Variants in SYN3 observed in about 807,000 individuals in gnomAD.
SYN3 encodes synapsin-3.
SYN3 carries 35 observed loss-of-function variants against 65.8 expected under a neutral mutation model. The ratio of observed to expected loss-of-function variants is 0.53; its 90% CI spans 0.41 to 0.70. The LOEUF (loss-of-function observed/expected upper bound fraction) is 0.70, where lower values mean the gene tolerates loss of function less well. SYN3 is among the 30% of genes least tolerant of loss of function. SYN3 has a pLI of 0.00. For missense variants in SYN3, 680 were observed against 749.0 expected (o/e 0.91, Z 1.08); for synonymous variants, 270 against 292.9 (o/e 0.92, Z 0.80).
chr22:32,864,880 T>A, intron 6 of SYN3, 35 bp downstream of exon 6: 1 of 1,567,800 alleles, frequency 6.4e-7, no homozygotes, highest in East Asian at 2.2e-5. Context: ...TCATTCCGCA[T>A]CATGCAAAGA....
At chr22:32,534,038 A>G (rs1446352073) in intron 9 of SYN3, 143 bp from the exon 10 acceptor site, 1 of 603,004 alleles carries the variant, frequency 1.7e-6, no homozygotes, top group East Asian at 2.8e-5. Context: ...GAGACAGAGA[A>G]GCAGCAAGAG....
chr22:32,658,582 G>A lies in SYN3; in HGVS notation c.712-61846C>T, dbSNP rs535461488. ...CAGGCTACAGGATGACTGTGGAGTC[G>A]CCCATCCCATCCATAAGGCATTTCA... On this transcript the variant is annotated intron_variant, in intron 6 of 13. Coordinates refer to ENST00000358763, the MANE Select transcript of SYN3 (RefSeq NM_003490.4). 1.7e-4 allele frequency among the ~76,000 whole-genome samples: 26 copies of A among 152,310 alleles called. No homozygotes were observed. The South Asian group carries it at 4.6e-3, about 27-fold the overall frequency.
At position 32,510,987 on chromosome 22, in the gene SYN3, G is replaced by GTGTGTT. The variant is rs2146032198; in HGVS notation, c.*2704_*2705insAACACA. On this transcript the variant is annotated 3_prime_UTR_variant, in exon 14 of 14. Transcript: ENST00000358763. Reference sequence around the variant, plus strand: ...CAATTCCAAGTTATTGTCCAGGCGTGTGTGTGTGTGTGTGTGTGTGTGTGT... The same window carrying GTGTGTT: ...CAATTCCAAGTTATTGTCCAGGCGTGTGTGTTTGTGTGTGTGTGTGTGTGTGTGTGT... Among the ~76,000 whole-genome samples, 1 of 130,048 alleles carries GTGTGTT rather than the reference G, an allele frequency of 7.7e-6. No individual in the cohort carries two copies. Among genetic ancestry groups the GTGTGTT allele is most frequent in the African/African-American group, 3.0e-5 (1 of 33,470 alleles). 85.3% of individuals were successfully genotyped at this position (130,048 alleles called of 152,430 possible).
intron 5 of SYN3, 22 bp downstream of exon 5, chr22:32,868,944 G>A (rs745508511): frequency 2.5e-6 from 4 of 1,610,316 alleles, no homozygotes; most frequent in East Asian, 4.5e-5. Context: ...ATCCCTCCAG[G>A]TCAGCCTGCC....
chr22:32,859,624 C>A, intron 6 of SYN3: 1 of 538,764 alleles, frequency 1.9e-6, no homozygotes, highest in Non-Finnish European at 3.3e-6. Context: ...GGTGCCATGC[C>A]AGAAAGAATG....
At chr22:32,936,221 C>T (rs1284559010) in intron 3 of SYN3, among the ~76,000 whole-genome samples, 1 of 152,130 alleles carries the variant, frequency 6.6e-6, no homozygotes, top group East Asian at 1.9e-4. Context: ...AACAATAAAG[C>T]CAGACAAACT....
chr22:32,517,464 G>C (rs1452762298), intron 13 of SYN3, among the ~76,000 whole-genome samples: 1 of 152,208 alleles, frequency 6.6e-6, no homozygotes, highest in East Asian at 1.9e-4. Context: ...AGTCGTATGA[G>C]TGATCCCAGG....
At chr22:32,867,005 C>T (rs901279253) in intron 5 of SYN3, among the ~76,000 whole-genome samples, 2 of 152,194 alleles carry the variant, frequency 1.3e-5, no homozygotes, top group Non-Finnish European at 1.5e-5. Flanking sequence ...ATTACTACCA[C>T]CACTTTCCAA....
chr22:32,520,110 A>AGT (rs1004810714), intron 12 of SYN3, among the ~76,000 whole-genome samples: 1 of 152,050 alleles, frequency 6.6e-6, no homozygotes. Context: ...TAATTTTAAT[A>AGT]GTGTGTGTGT....
At position 32,676,963 on chromosome 22, in the gene SYN3, T is replaced by C. The variant is rs918806156; in HGVS notation, c.712-80227A>G. On this transcript the variant is annotated intron_variant, in intron 6 of 13. Coordinates refer to ENST00000358763, the MANE Select transcript of SYN3 (RefSeq NM_003490.4). ...GGGAATTATTCTTCCCCTTTACAGG[T>C]GAGAAAACAAAGCTCAGAGGCTGGT... Among the ~76,000 whole-genome samples, 227 of 152,184 alleles carry C rather than the reference T, an allele frequency of 1.5e-3. 1 individual carries two copies. The highest frequency in any genetic ancestry group is 5.2e-3 in the African/African-American group (214 of 41,520).
At chr22:32,802,512 A>T (rs370960213) in intron 6 of SYN3, among the ~76,000 whole-genome samples, 1,392 of 130,530 alleles carry the variant, frequency 0.011, 26 homozygotes, top group African/African-American at 0.038. Flanking sequence ...TTGAATAGTT[A>T]AAAAAAAAAA....
At chr22:32,965,395 T>C (rs1394320866) in intron 3 of SYN3, among the ~76,000 whole-genome samples, 1 of 152,058 alleles carries the variant, frequency 6.6e-6, no homozygotes, top group East Asian at 1.9e-4. Context: ...GTTTGAGAAA[T>C]ATATATTGAA....
intron 4 of SYN3, among the ~76,000 whole-genome samples, chr22:32,926,943 C>T (rs1460325602): frequency 4.6e-5 from 7 of 152,140 alleles, no homozygotes; most frequent in Admixed American, 3.9e-4. Flanking sequence ...AGGTTCTTCC[C>T]TACAATGTCT....
chr22:32,858,222 AGGCCC>A, intron 6 of SYN3: 1 of 1,580,160 alleles, frequency 6.3e-7, no homozygotes, highest in Non-Finnish European at 8.6e-7. Flanking sequence ...ACTGGGTGCC[AGGCCC>A]TCGGCTGGGA....
chr22:32,525,797 G>A (rs1336475792), intron 12 of SYN3, among the ~76,000 whole-genome samples: 1 of 152,096 alleles, frequency 6.6e-6, no homozygotes, highest in Non-Finnish European at 1.5e-5. Flanking sequence ...TAAAGCAGCA[G>A]CAGGTTTTGC....
At chr22:32,740,673 A>T (rs1341020331) in intron 6 of SYN3, among the ~76,000 whole-genome samples, 2 of 152,216 alleles carry the variant, frequency 1.3e-5, no homozygotes, top group African/African-American at 4.8e-5. Flanking sequence ...ACTGAAAGTT[A>T]ACTAACAGGG....
At position 32,670,563 on chromosome 22, in the gene SYN3, T is replaced by C. The variant is rs1455072465; in HGVS notation, c.712-73827A>G. ...TATCGTTTGGATTCAGTCTTTGTTA[T>C]GGTGGCTTTGTGGCTTCTTCCACAA... is the stretch of plus-strand genomic sequence containing the variant. On this transcript the variant is annotated intron_variant, in intron 6 of 13. Transcript: ENST00000358763. Among the ~76,000 whole-genome samples the C allele has an allele frequency of 3.9e-5, 6 of 152,348 alleles. No individual in the cohort carries two copies. The East Asian group carries it at 5.8e-4, about 15-fold the overall frequency.
chr22:32,553,579 A>G (rs972924434), intron 7 of SYN3, among the ~76,000 whole-genome samples: 1 of 152,154 alleles, frequency 6.6e-6, no homozygotes, highest in South Asian at 2.1e-4. Flanking sequence ...GTGTGCTATG[A>G]GAGACTGCTA....
At chr22:32,619,273 A>G (rs1267174951) in intron 6 of SYN3, among the ~76,000 whole-genome samples, 1 of 152,220 alleles carries the variant, frequency 6.6e-6, no homozygotes, top group Non-Finnish European at 1.5e-5. Flanking sequence ...TAATTTATTC[A>G]TTTGTAAAAT....
Sources: gnomAD v4.1 joint callset for allele counts (sites outside exome capture counted in the v4.1 genomes callset) on GRCh38, gnomAD v4.1.1 for gene constraint, MANE v1.5 for transcripts, NCBI Gene and HGNC (gene_info 2026-07-23, HGNC 2026-07-21) for gene names.